Variants in SHANK2 observed in about 807,000 individuals in gnomAD.
SHANK2 encodes SH3 and multiple ankyrin repeat domains protein 2.
In SHANK2, 43 loss-of-function variants were observed where a neutral mutation model predicts 133.7. That is an observed-to-expected ratio of 0.32 (90% CI 0.25 to 0.41). The LOEUF is 0.41. Ranked by LOEUF, SHANK2 falls within the 10% of genes least tolerant of loss-of-function variation. The pLI, the probability that SHANK2 is intolerant of heterozygous loss-of-function variation, is 1.00. For synonymous variants in SHANK2, 1,017 were observed against 952.8 expected (o/e 1.07, Z -1.24); for missense variants, 1,994 against 2,235.8 (o/e 0.89, Z 2.18).
intron 22 of SHANK2, 81 bp from the exon 23 acceptor site, chr11:70,490,468 A>C: frequency 8.4e-7 from 1 of 1,192,872 alleles, no homozygotes; most frequent in Non-Finnish European, 1.3e-6. Flanking sequence ...ACCACAAGGG[A>C]ACTTCCGTCA....
intron 14 of SHANK2, among the ~76,000 whole-genome samples, chr11:70,764,057 C>A (rs1947054671): frequency 6.8e-6 from 1 of 146,322 alleles, no homozygotes; most frequent in South Asian, 2.2e-4. Flanking sequence ...CATCCATATA[C>A]CCACCAATCC....
At chr11:70,594,178 G>C (rs1375659687) in intron 17 of SHANK2, among the ~76,000 whole-genome samples, 1 of 152,182 alleles carries the variant, frequency 6.6e-6, no homozygotes, top group African/African-American at 2.4e-5. Context: ...CAACAGTTGT[G>C]GTCTACCCAC....
intron 10 of SHANK2, among the ~76,000 whole-genome samples, chr11:70,902,015 G>T (rs1950029790): frequency 6.6e-6 from 1 of 152,204 alleles, no homozygotes; most frequent in East Asian, 1.9e-4. Context: ...ACCATACGAG[G>T]GAGCCCTGAA....
chr11:70,668,570 G>C (rs779780744), intron 15 of SHANK2: 1 of 152,420 alleles, frequency 6.6e-6, no homozygotes, highest in Non-Finnish European at 1.5e-5. Context: ...CCCCTAGTCT[G>C]TGGTGATCGT....
intron 14 of SHANK2, among the ~76,000 whole-genome samples, chr11:70,774,189 T>C (rs1947313515): frequency 6.6e-6 from 1 of 152,162 alleles, no homozygotes; most frequent in Admixed American, 6.5e-5. Flanking sequence ...CTGTCCTAAC[T>C]AAAAGAAGCT....
chr11:70,913,699 A>T (rs1555079439), intron 10 of SHANK2, among the ~76,000 whole-genome samples: 1 of 152,200 alleles, frequency 6.6e-6, no homozygotes, highest in African/African-American at 2.4e-5. Context: ...CTGAGTTTAG[A>T]CGTTGGCTCT....
intron 17 of SHANK2, among the ~76,000 whole-genome samples, chr11:70,564,224 T>C (rs2059940976): frequency 1.3e-5 from 2 of 151,990 alleles, no homozygotes; most frequent in South Asian, 4.1e-4. Context: ...TGGAAAAAGT[T>C]CCCTCATTAT....
intron 1 of SHANK2, among the ~76,000 whole-genome samples, chr11:71,251,685 A>G (rs1475388992): frequency 6.6e-6 from 1 of 151,086 alleles, no homozygotes; most frequent in African/African-American, 2.4e-5. Flanking sequence ...GGGTCTCCCT[A>G]TCCCAGCTGG....
At chr11:70,776,214 A>G (rs1472079036) in intron 14 of SHANK2, among the ~76,000 whole-genome samples, 1 of 152,218 alleles carries the variant, frequency 6.6e-6, no homozygotes, top group Non-Finnish European at 1.5e-5. Flanking sequence ...AGACTTCTGG[A>G]ACACCCAAGA....
chr11:70,738,548 C>T (rs1946455761), intron 14 of SHANK2, among the ~76,000 whole-genome samples: 1 of 152,216 alleles, frequency 6.6e-6, no homozygotes, highest in African/African-American at 2.4e-5. Flanking sequence ...CCGGAATCTA[C>T]AAAGCTGCCC....
At chr11:70,654,771 T>TA (rs2061384665) in intron 17 of SHANK2, among the ~76,000 whole-genome samples, 4 of 150,786 alleles carry the variant, frequency 2.7e-5, no homozygotes, top group African/African-American at 4.9e-5. Flanking sequence ...TTGTTTTTTT[T>TA]GTTTTTTTTT....
At chr11:70,563,175 A>G (rs2059929028) in intron 17 of SHANK2, among the ~76,000 whole-genome samples, 1 of 152,164 alleles carries the variant, frequency 6.6e-6, no homozygotes, top group East Asian at 1.9e-4. Context: ...GGCCGGGTTG[A>G]TAATTTTTTA....
At chr11:70,515,272 C>T (rs564034537) in intron 17 of SHANK2, among the ~76,000 whole-genome samples, 2 of 152,320 alleles carry the variant, frequency 1.3e-5, no homozygotes, top group South Asian at 4.1e-4. Flanking sequence ...CTCCTGGGTT[C>T]AAGTGATCTG....
Position 70,775,592 on chromosome 11 carries a change from C to T in SHANK2, c.1777+22851G>A, listed in dbSNP as rs114258672. Among the ~76,000 whole-genome samples, 746 of 152,294 alleles carry T rather than the reference C, an allele frequency of 4.9e-3. 9 individuals are homozygous for T. Among genetic ancestry groups the T allele is most frequent in the African/African-American group, 0.017 (702 of 41,560 alleles). ...CAGATGGTGCCCAATCCACCACTCG[C>T]GGCCATGTCCTCTTGGCTTCCTGTT... On this transcript the variant is annotated intron_variant, in intron 14 of 25. Coordinates refer to ENST00000601538, the MANE Select transcript of SHANK2 (RefSeq NM_012309.5).
chr11:70,471,173 A>G lies in SHANK2; in HGVS notation c.*1696T>C, dbSNP rs2058593611. ...ATTGTGCTTATAAACTATCTGTACAACTATTTAAACTTGCAGTAAAGAAAG... is the reference window on the plus strand; with the variant it reads ...ATTGTGCTTATAAACTATCTGTACAGCTATTTAAACTTGCAGTAAAGAAAG... On this transcript the variant is annotated 3_prime_UTR_variant, in exon 26 of 26. Coordinates refer to ENST00000601538, the MANE Select transcript of SHANK2 (RefSeq NM_012309.5). The surrounding 1 kb of genome is among the most constrained non-coding windows in gnomAD (Gnocchi z 4.1). 1 of 398,720 alleles carries G rather than the reference A, an allele frequency of 2.5e-6. No homozygotes were observed. Among genetic ancestry groups the G allele is most frequent in the Admixed American group, 4.4e-5 (1 of 22,726 alleles). 24.7% of individuals were successfully genotyped at this position (398,720 alleles called of 1,614,324 possible).
intron 14 of SHANK2, among the ~76,000 whole-genome samples, chr11:70,772,056 C>T (rs1555042931): frequency 1.3e-5 from 2 of 152,142 alleles, no homozygotes; most frequent in Non-Finnish European, 2.9e-5. Context: ...CAAAGAGCCC[C>T]TTGTTTAAAA....
Position 70,486,363 on chromosome 11 carries a change from C to G in SHANK2, c.3930G>C (p.Ser1310=), listed in dbSNP as rs550763283. 1 of 1,613,904 alleles carries G rather than the reference C, an allele frequency of 6.2e-7. No individual in the cohort carries two copies. The highest frequency in any genetic ancestry group is 1.1e-5 in the South Asian group (1 of 91,064). ...CGGTGTGCACCATCAGCAGGCCAGCCGACTTCTGCTGGGACGTGTCCATGA... is the reference window on the plus strand; with the variant it reads ...CGGTGTGCACCATCAGCAGGCCAGCGGACTTCTGCTGGGACGTGTCCATGA... ...IDIMDTSQQK[S]AGLLMVHTVD... The change falls in exon 25 of 26, where the codon TCG becomes TCC. Residue 1310 remains serine, a synonymous_variant. Coordinates refer to ENST00000601538, the MANE Select transcript of SHANK2 (RefSeq NM_012309.5). This position sits in a 1 kb window ranked among gnomAD's most constrained non-coding sequence, Gnocchi z 8.0.
intron 2 of SHANK2, among the ~76,000 whole-genome samples, chr11:71,171,590 C>T (rs1324189339): frequency 6.6e-6 from 1 of 152,054 alleles, no homozygotes. Flanking sequence ...TGCCCTCGCC[C>T]CTTCTCTTCA....
intron 14 of SHANK2, among the ~76,000 whole-genome samples, chr11:70,737,852 C>A (rs1308134322): frequency 1.3e-5 from 2 of 152,264 alleles, no homozygotes; most frequent in Non-Finnish European, 1.5e-5. Flanking sequence ...TTTGCAAGAG[C>A]TGGCACTTAA....
Sources: allele counts gnomAD v4.1 joint callset (sites outside exome capture counted in the v4.1 genomes callset), GRCh38; gene constraint gnomAD v4.1.1; non-coding constraint Gnocchi (gnomAD v3.1); transcripts MANE v1.5; gene names NCBI Gene and HGNC (gene_info 2026-07-23, HGNC 2026-07-21).